The following NLRP8 variants were observed in gnomAD, a reference collection of about 807,000 sequenced individuals.
NLRP8 encodes the protein NACHT, LRR and PYD domains-containing protein 8.
In NLRP8, 86 loss-of-function variants were observed where a neutral mutation model predicts 88.7. That is an observed-to-expected ratio of 0.97 (90% CI 0.81 to 1.16). NLRP8 has a LOEUF of 1.16. Among genes scored for constraint, NLRP8 ranks in the 50% most tolerant of loss-of-function variants. The pLI, the probability that NLRP8 is intolerant of heterozygous loss-of-function variation, is 0.00. For synonymous variants in NLRP8, 504 were observed against 494.6 expected (o/e 1.02, Z -0.25); for missense variants, 1,342 against 1,286.5 (o/e 1.04, Z -0.66).
At chr19:55,980,977 C>T (rs1049665723) in intron 9 of NLRP8, among the ~76,000 whole-genome samples, 82 bp from the exon 10 acceptor site, 4 of 152,066 alleles carry the variant, frequency 2.6e-5, no homozygotes, top group African/African-American at 9.7e-5. Flanking sequence ...AATTTCTGTT[C>T]TAGAGGTTCT....
chr19:55,954,707 A>G lies in NLRP8; in HGVS notation c.649A>G (p.Thr217Ala). Residue 217 changes from threonine to alanine, a missense_variant, in exon 3 of 10, where the codon ACA (threonine) becomes GCA (alanine). Physicochemically the swap from Thr to Ala is moderately conservative, Grantham distance 58. Transcript: ENST00000291971. ...ACAGGGAGCTCCTGGGATCGGAAAA[A>G]CAATCCTGGCCAAAAAGGTGATGTT... The G allele has an allele frequency of 6.2e-7, 1 of 1,614,108 alleles. No homozygotes were observed. The highest frequency in any genetic ancestry group is 8.5e-7 in the Non-Finnish European group (1 of 1,180,022).
At chr19:55,959,117 A>T (rs1979503010) in intron 3 of NLRP8, among the ~76,000 whole-genome samples, 1 of 150,580 alleles carries the variant, frequency 6.6e-6, no homozygotes, top group Admixed American at 6.6e-5. Flanking sequence ...TGACCTCATG[A>T]TCTGCCTGCC....
intron 4 of NLRP8, among the ~76,000 whole-genome samples, chr19:55,963,102 C>T (rs1011973049): frequency 6.6e-6 from 1 of 152,200 alleles, no homozygotes; most frequent in Non-Finnish European, 1.5e-5. Flanking sequence ...CAACCTCCCC[C>T]TCCAGGGTTC....
intron 3 of NLRP8, among the ~76,000 whole-genome samples, chr19:55,960,110 C>A (rs1054459391): frequency 6.6e-6 from 1 of 151,752 alleles, no homozygotes; most frequent in Non-Finnish European, 1.5e-5. Context: ...ACTTCAAGGC[C>A]CAGGAAAGGC....
Position 55,954,595 on chromosome 19 carries a change from C to A in NLRP8, c.537C>A (p.Tyr179Ter). 6.2e-7 allele frequency: 1 copy of A among 1,614,168 alleles called. No individual in the cohort carries two copies. The highest frequency in any genetic ancestry group is 8.5e-7 in the Non-Finnish European group (1 of 1,180,036). ...CTGGAAACCAGAGGGACTTCTTCTA[C>A]CAAGGTGTACACAGGCACGAGGAGT... Residue 179 changes from tyrosine to a stop codon, truncating the protein, a stop_gained, in exon 3 of 10, where the codon TAC (tyrosine) becomes TAA (stop). Coordinates refer to ENST00000291971, the MANE Select transcript of NLRP8 (RefSeq NM_176811.2). LOFTEE classifies it high-confidence loss of function.
chr19:55,968,388 G>A lies in NLRP8; in HGVS notation c.2381+2008G>A, dbSNP rs997341026. On this transcript the variant is annotated intron_variant, in intron 5 of 9. Coordinates refer to ENST00000291971, the MANE Select transcript of NLRP8 (RefSeq NM_176811.2). ...CGGGAGGCGGAGGTTGCAGTGAGCCGAGATCACGCCATTGCACTCCAGCCT... is the reference window on the plus strand; with the variant it reads ...CGGGAGGCGGAGGTTGCAGTGAGCCAAGATCACGCCATTGCACTCCAGCCT... Among the ~76,000 whole-genome samples, 7 of 151,690 alleles carry A rather than the reference G, an allele frequency of 4.6e-5. No individual in the cohort carries two copies. In the South Asian group the frequency reaches 6.3e-4, roughly 14 times the overall value.
At chr19:55,967,942 A>G (rs1178524143) in intron 5 of NLRP8, among the ~76,000 whole-genome samples, 4 of 152,254 alleles carry the variant, frequency 2.6e-5, no homozygotes, top group Non-Finnish European at 5.9e-5. Context: ...AAGCCAGGTA[A>G]GAAACACTTC....
At chr19:55,984,813 G>A (rs1980735193) in intron 9 of NLRP8, among the ~76,000 whole-genome samples, 2 of 151,874 alleles carry the variant, frequency 1.3e-5, no homozygotes, top group African/African-American at 4.8e-5. Context: ...CTCCAGCCTG[G>A]GCAACAGAGT....
Position 55,981,654 on chromosome 19 carries a change from T to C in NLRP8, c.3047+2090T>C, listed in dbSNP as rs560242926. Among the ~76,000 whole-genome samples, 264 of 152,310 alleles carry C rather than the reference T, an allele frequency of 1.7e-3. 1 individual carries two copies. Among genetic ancestry groups the C allele is most frequent in the Non-Finnish European group, 2.4e-3 (162 of 68,034 alleles). On this transcript the variant is annotated intron_variant, in intron 9 of 9. Transcript: ENST00000291971. ...TCTGGGGAAAGTGTGCACAAGGAAC[T>C]TCTAAGGAAGATAATAAATGTAGCA...
In NLRP8 at chr19:55,955,951, A is replaced by G. The variant is rs200708368; in HGVS notation, c.1893A>G (p.Lys631=). Reference sequence around the variant, plus strand: ...GCCAAGCCCTAAATGATTATCATAAAGTTGTCTTGAGAATTGGCAACAACA... The same window carrying G: ...GCCAAGCCCTAAATGATTATCATAAGGTTGTCTTGAGAATTGGCAACAACA... Residue 631 remains lysine, a synonymous_variant, in exon 3 of 10, where the codon AAA becomes AAG. Transcript: ENST00000291971. The G allele has an allele frequency of 6.2e-7, 1 of 1,614,152 alleles. No homozygotes were observed. The highest frequency in any genetic ancestry group is 2.2e-5 in the East Asian group (1 of 44,872).
chr19:55,955,169 G>C lies in NLRP8; in HGVS notation c.1111G>C (p.Gly371Arg). The C allele has an allele frequency of 6.2e-7, 1 of 1,613,998 alleles. No individual in the cohort carries two copies. ...AATCAAGTATTTCCAGATGTATTTT[G>C]GACACACAGAGGAGGGAGACCAAGT... Residue 371 changes from glycine (G) to arginine (R), a missense_variant, in exon 3 of 10, where the codon GGA (glycine) becomes CGA (arginine). Transcript: ENST00000291971.
intron 8 of NLRP8, among the ~76,000 whole-genome samples, chr19:55,976,598 C>T (rs537803013): frequency 3.3e-5 from 5 of 151,980 alleles, no homozygotes; most frequent in African/African-American, 1.2e-4. Context: ...AAATATTCTT[C>T]CAGTTGAATA....
intron 6 of NLRP8, 32 bp downstream of exon 6, chr19:55,970,728 G>T (rs754448803): frequency 6.2e-7 from 1 of 1,611,388 alleles, no homozygotes; most frequent in Non-Finnish European, 8.5e-7. Context: ...TGTGGTTGTG[G>T]TTGTGGTTGT....
chr19:55,977,748 C>A (rs1333284346), intron 8 of NLRP8, among the ~76,000 whole-genome samples: 2 of 128,492 alleles, frequency 1.6e-5, no homozygotes, highest in African/African-American at 5.2e-5. Context: ...TTACCTCTTT[C>A]AATCCAAATT....
intron 9 of NLRP8, among the ~76,000 whole-genome samples, chr19:55,983,354 C>A (rs938806030): frequency 2.0e-5 from 3 of 146,882 alleles, no homozygotes; most frequent in African/African-American, 7.6e-5. Flanking sequence ...GTCACAGGTA[C>A]TTGGGAGGCT....
intron 4 of NLRP8, among the ~76,000 whole-genome samples, chr19:55,965,650 A>AT (rs1306093772): frequency 7.8e-5 from 8 of 103,116 alleles, no homozygotes; most frequent in South Asian, 3.5e-4. Context: ...TGAGTCATTT[A>AT]TTTTTTTAAA....
At chr19:55,966,433 T>G in intron 5 of NLRP8, 53 bp downstream of exon 5, 2 of 1,552,012 alleles carry the variant, frequency 1.3e-6, no homozygotes, top group Non-Finnish European at 1.8e-6. Flanking sequence ...GGATGGTCTT[T>G]TCAAGGGCGG....
chr19:55,971,118 C>T (rs1418415849), intron 6 of NLRP8, among the ~76,000 whole-genome samples: 1 of 152,016 alleles, frequency 6.6e-6, no homozygotes. Context: ...CTTAAACAGG[C>T]ATCACATCGT....
In NLRP8 at chr19:55,975,850, G is replaced by A. The variant is rs971176076; in HGVS notation, c.2706-283G>A. The stretch of plus-strand genomic sequence containing the variant: ...AGGGGTGACAAAAATATTCCAAACC[G>A]AACTTACACAAATATTCTAAAATTG... On this transcript the variant is annotated intron_variant, in intron 7 of 9. Transcript: ENST00000291971. Among the ~76,000 whole-genome samples, 4 of 152,032 alleles carry A rather than the reference G, an allele frequency of 2.6e-5. No individual in the cohort carries two copies. The East Asian group carries it at 5.8e-4, about 22-fold the overall frequency.
Sources: gnomAD v4.1 joint callset for allele counts (sites outside exome capture counted in the v4.1 genomes callset) on GRCh38, gnomAD v4.1.1 for gene constraint, MANE v1.5 for transcripts, NCBI Gene and HGNC (gene_info 2026-07-23, HGNC 2026-07-21) for gene names.